Variants in TNS1 observed in about 807,000 individuals in gnomAD.
TNS1 encodes the protein tensin 1, also known as tensin-1.
In TNS1, 62 loss-of-function variants were observed where a neutral mutation model predicts 168.6. The ratio of observed to expected loss-of-function variants is 0.37; its 90% CI spans 0.30 to 0.45. The LOEUF (loss-of-function observed/expected upper bound fraction) is 0.45. TNS1 is among the 20% of genes least tolerant of loss of function. The pLI is 1.00. For missense variants in TNS1, 2,240 were observed against 2,339.4 expected (o/e 0.96, Z 0.88); for synonymous variants, 934 against 933.2 (o/e 1.00, Z -0.02).
chr2:217,837,425 C>T (rs553767254), intron 19 of TNS1, among the ~76,000 whole-genome samples: 3 of 152,362 alleles, frequency 2.0e-5, no homozygotes, highest in South Asian at 2.1e-4. Context: ...TCATGAACAG[C>T]AGGCTGCCGG....
chr2:217,860,550 C>T (rs1948688102), intron 18 of TNS1, among the ~76,000 whole-genome samples: 1 of 152,166 alleles, frequency 6.6e-6, no homozygotes, highest in East Asian at 1.9e-4. Flanking sequence ...GTTTAAGGCA[C>T]CCCAGTTCAC....
chr2:217,956,280 G>C (rs1235683550), intron 3 of TNS1, among the ~76,000 whole-genome samples: 1 of 152,134 alleles, frequency 6.6e-6, no homozygotes, highest in East Asian at 1.9e-4. Flanking sequence ...TGGGACTACA[G>C]GCATGAGCCA....
At chr2:217,902,808 G>A (rs962514341) in intron 6 of TNS1, among the ~76,000 whole-genome samples, 3 of 152,170 alleles carry the variant, frequency 2.0e-5, no homozygotes, top group African/African-American at 7.2e-5. Context: ...AGCTGGGACT[G>A]TCATCCCCTG....
At position 217,986,003 on chromosome 2, in the gene TNS1, T is replaced by A. The variant is rs570095236; in HGVS notation, c.148+4939A>T. Among the ~76,000 whole-genome samples, 1 of 152,106 alleles carries A rather than the reference T, an allele frequency of 6.6e-6. No individual in the cohort carries two copies. The highest frequency in any genetic ancestry group is 1.9e-4 in the East Asian group (1 of 5,182). ...AAAGCTCCTCCAAAAACCTTACAGC[T>A]CCTTCAGAACACAGTTTAGAGCCTC... On this transcript the variant is annotated intron_variant, in intron 2 of 32. Coordinates refer to ENST00000682258, the MANE Select transcript of TNS1 (RefSeq NM_001387777.1). The surrounding 1 kb of genome is among the most constrained non-coding windows in gnomAD (Gnocchi z 4.7).
upstream of TNS1, among the ~76,000 whole-genome samples, chr2:218,014,914 AGG>A: frequency 1.2e-5 from 1 of 80,698 alleles, no homozygotes; most frequent in African/African-American, 4.3e-5. Context: ...GAAGGAAGGA[AGG>A]AAGGAAGGCA....
chr2:218,018,517 C>T (rs1329180826), intron 1 of TNS1, among the ~76,000 whole-genome samples: 1 of 152,240 alleles, frequency 6.6e-6, no homozygotes, highest in South Asian at 2.1e-4. Flanking sequence ...TCTTAGACCC[C>T]ATGGGGAACG....
chr2:217,988,986 G>T (rs1958279702), intron 2 of TNS1, among the ~76,000 whole-genome samples: 1 of 152,150 alleles, frequency 6.6e-6, no homozygotes, highest in Non-Finnish European at 1.5e-5. Context: ...CCAGCCTGCT[G>T]GGACTTTGAC....
At chr2:217,882,151 T>C (rs1340755599) in intron 17 of TNS1, 195 bp downstream of exon 17, 2 of 515,642 alleles carry the variant, frequency 3.9e-6, no homozygotes, top group East Asian at 7.2e-5. Flanking sequence ...TGCTTTTTTA[T>C]TTTTATTATC....
At chr2:217,984,318 G>A (rs1382075799) in intron 2 of TNS1, among the ~76,000 whole-genome samples, 6 of 152,304 alleles carry the variant, frequency 3.9e-5, no homozygotes, top group Non-Finnish European at 7.4e-5. Flanking sequence ...AAACCTTCCA[G>A]ATCAAGCTTG....
At chr2:217,900,575 C>T (rs1212097102) in intron 6 of TNS1, 63 bp from the exon 7 acceptor site, 4 of 1,476,820 alleles carry the variant, frequency 2.7e-6, no homozygotes, top group South Asian at 1.2e-5. Context: ...GAGGAGCACA[C>T]CAGAGAGCTG....
chr2:217,982,730 G>C (rs768158841), intron 2 of TNS1, among the ~76,000 whole-genome samples: 1 of 152,082 alleles, frequency 6.6e-6, no homozygotes, highest in Non-Finnish European at 1.5e-5. Flanking sequence ...CTAAGTTTAC[G>C]GGTAATTTTT....
chr2:218,025,872 C>T (rs1448781202), intron 1 of TNS1, among the ~76,000 whole-genome samples: 2 of 152,238 alleles, frequency 1.3e-5, no homozygotes, highest in East Asian at 3.9e-4. Context: ...AACTCCACCT[C>T]CATGGTTCCC....
chr2:217,813,808 G>A lies in TNS1; in HGVS notation c.4738C>T (p.Leu1580Phe), dbSNP rs1344447637. The A allele has an allele frequency of 9.3e-6, 15 of 1,610,302 alleles. No individual in the cohort carries two copies. The highest frequency in any genetic ancestry group is 1.3e-5 in the Non-Finnish European group (15 of 1,178,284). The change falls in exon 26 of 33, where the codon CTC becomes TTC. Residue 1580 changes from leucine to phenylalanine, a missense_variant. Coordinates refer to ENST00000682258, the MANE Select transcript of TNS1 (RefSeq NM_001387777.1). This position sits in a 1 kb window ranked among gnomAD's most constrained non-coding sequence, Gnocchi z 4.0. ...PEISREQAIA[L>F]LKDQEPGAFI... ...GCCCCCGGCTCCTGGTCCTTGAGGA[G>A]CGCGATGGCTGCATGGGGAAGGGAC...
At chr2:217,977,400 C>A (rs58801425) in intron 3 of TNS1, among the ~76,000 whole-genome samples, 2,004 of 152,324 alleles carry the variant, frequency 0.013, 40 homozygotes, top group African/African-American at 0.042. Context: ...GCAAGGGGAG[C>A]ATTCCAAGCT....
intron 2 of TNS1, among the ~76,000 whole-genome samples, chr2:217,989,055 C>T (rs547780064): frequency 4.4e-4 from 67 of 152,072 alleles, no homozygotes; most frequent in Non-Finnish European, 9.0e-4. Flanking sequence ...GCAAAGGCTC[C>T]GGGCAAAAAG....
chr2:217,901,757 C>T (rs1296483991), intron 6 of TNS1: 2 of 152,264 alleles, frequency 1.3e-5, no homozygotes, highest in Non-Finnish European at 2.9e-5. Flanking sequence ...CACACTCCAA[C>T]CTGGGGCTTG....
intron 4 of TNS1, among the ~76,000 whole-genome samples, chr2:217,909,245 G>C (rs1255998850): frequency 6.6e-6 from 1 of 152,078 alleles, no homozygotes; most frequent in Admixed American, 6.5e-5. Context: ...AGCTGCTCTG[G>C]TCTCCTGTGG....
At chr2:217,913,343 C>A (rs1041884995) in intron 4 of TNS1, among the ~76,000 whole-genome samples, 2 of 152,164 alleles carry the variant, frequency 1.3e-5, no homozygotes, top group Middle Eastern at 3.2e-3. Flanking sequence ...CCCAAGGGGC[C>A]CAACACCCAA....
At chr2:217,993,844 T>TG (rs1252536097) in intron 1 of TNS1, among the ~76,000 whole-genome samples, 6 of 152,166 alleles carry the variant, frequency 3.9e-5, no homozygotes, top group African/African-American at 1.4e-4. Flanking sequence ...TTAACGGTGG[T>TG]GGGGCATCAT....
Sources: allele counts gnomAD v4.1 joint callset (sites outside exome capture counted in the v4.1 genomes callset), GRCh38; gene constraint gnomAD v4.1.1; non-coding constraint Gnocchi (gnomAD v3.1); transcripts MANE v1.5; gene names NCBI Gene and HGNC (gene_info 2026-07-23, HGNC 2026-07-21).